Variants in ADK observed in about 807,000 individuals in gnomAD.
ADK encodes N6,N6-dimethyladenosine kinase.
A neutral mutation model predicts 44.7 loss-of-function variants in ADK; 24 were observed. The ratio of observed to expected loss-of-function variants is 0.54; its 90% CI spans 0.39 to 0.76. The LOEUF (loss-of-function observed/expected upper bound fraction) is 0.76, where lower values mean the gene tolerates loss of function less well. Among genes scored for constraint, ADK ranks in the 30% least tolerant of loss-of-function variants. The pLI, the probability that ADK is intolerant of heterozygous loss-of-function variation, is 0.00. For missense variants in ADK, 321 were observed against 425.1 expected (o/e 0.76, Z 2.15); for synonymous variants, 128 against 142.6 (o/e 0.90, Z 0.73).
At chr10:74,201,658 A>G (rs1031515862) in intron 2 of ADK, among the ~76,000 whole-genome samples, 1 of 109,388 alleles carries the variant, frequency 9.1e-6, no homozygotes, top group African/African-American at 4.0e-5. Flanking sequence ...GTATGTATGT[A>G]TGTATGTATG....
At chr10:74,155,078 T>C (rs1050947831) in intron 1 of ADK, among the ~76,000 whole-genome samples, 1 of 152,248 alleles carries the variant, frequency 6.6e-6, no homozygotes, top group Non-Finnish European at 1.5e-5. Context: ...AGTTCTCTAA[T>C]CAGCAAATGC....
intron 6 of ADK, among the ~76,000 whole-genome samples, chr10:74,522,566 C>T (rs951081537): frequency 6.6e-6 from 1 of 152,112 alleles, no homozygotes; most frequent in Non-Finnish European, 1.5e-5. Flanking sequence ...ACACATGGCT[C>T]CTGCCACTAA....
chr10:74,687,743 C>T (rs533436364), intron 10 of ADK, among the ~76,000 whole-genome samples: 63 of 152,162 alleles, frequency 4.1e-4, no homozygotes, highest in Non-Finnish European at 2.2e-4. Context: ...CTCTCCAAAC[C>T]GTCAGTGAGT....
At chr10:74,628,608 G>A (rs1311546277) in intron 9 of ADK, among the ~76,000 whole-genome samples, 3 of 151,860 alleles carry the variant, frequency 2.0e-5, no homozygotes, top group Non-Finnish European at 4.4e-5. Context: ...CCTTTTTGGA[G>A]CACTAATCTA....
chr10:74,303,662 A>G (rs962326063), intron 3 of ADK, among the ~76,000 whole-genome samples: 7 of 128,584 alleles, frequency 5.4e-5, no homozygotes, highest in Non-Finnish European at 1.1e-4. Context: ...ATAAATTTTC[A>G]AAGTCCTTGC....
chr10:74,407,969 T>C (rs1592166396), intron 6 of ADK, among the ~76,000 whole-genome samples: 1 of 152,184 alleles, frequency 6.6e-6, no homozygotes, highest in Non-Finnish European at 1.5e-5. Context: ...ACTCGCTTTT[T>C]TTTTCAAGAA....
intron 6 of ADK, among the ~76,000 whole-genome samples, chr10:74,441,935 G>A (rs1402524894): frequency 6.6e-6 from 1 of 152,050 alleles, no homozygotes; most frequent in African/African-American, 2.4e-5. Flanking sequence ...AAATGACCCA[G>A]GTATATGAAA....
At chr10:74,683,433 G>C (rs1855686406) in intron 10 of ADK, among the ~76,000 whole-genome samples, 1 of 152,134 alleles carries the variant, frequency 6.6e-6, no homozygotes, top group African/African-American at 2.4e-5. Flanking sequence ...ATTATATCCA[G>C]GGTGAACATT....
chr10:74,174,936 C>G (rs1421467930), intron 1 of ADK, among the ~76,000 whole-genome samples: 1 of 152,140 alleles, frequency 6.6e-6, no homozygotes, highest in African/African-American at 2.4e-5. Context: ...AGCAAGAAAA[C>G]AGATTTGTAT....
At chr10:74,532,688 G>T (rs1244316637) in intron 7 of ADK, among the ~76,000 whole-genome samples, 1 of 151,920 alleles carries the variant, frequency 6.6e-6, no homozygotes, top group Admixed American at 6.6e-5. Context: ...ATCATTTGAG[G>T]TCAAGAGTTC....
chr10:74,609,112 C>G (rs370722491), intron 9 of ADK, among the ~76,000 whole-genome samples: 1 of 152,144 alleles, frequency 6.6e-6, no homozygotes, highest in Non-Finnish European at 1.5e-5. Flanking sequence ...CATCCCAGGT[C>G]GACTTCAGAC....
chr10:74,356,206 G>A (rs1278508389), intron 4 of ADK, among the ~76,000 whole-genome samples: 1 of 149,868 alleles, frequency 6.7e-6, no homozygotes, highest in Non-Finnish European at 1.5e-5. Context: ...TTTTAGTAGA[G>A]ACGGGGTTTC....
At chr10:74,306,613 C>T (rs1310482645) in intron 3 of ADK, among the ~76,000 whole-genome samples, 1 of 152,176 alleles carries the variant, frequency 6.6e-6, no homozygotes, top group Non-Finnish European at 1.5e-5. Flanking sequence ...ATTGTATCTT[C>T]TACCAGAGTG....
chr10:74,694,285 T>A (rs1245083008), intron 10 of ADK, among the ~76,000 whole-genome samples: 1 of 150,708 alleles, frequency 6.6e-6, no homozygotes, highest in Non-Finnish European at 1.5e-5. Context: ...GTGTGGTAGC[T>A]CATGCCTGTA....
At chr10:74,289,300 G>T (rs1420776516) in intron 3 of ADK, among the ~76,000 whole-genome samples, 1 of 152,046 alleles carries the variant, frequency 6.6e-6, no homozygotes, top group Non-Finnish European at 1.5e-5. Context: ...TGATCAGCCC[G>T]CCTCTGAAAG....
intron 6 of ADK, among the ~76,000 whole-genome samples, chr10:74,510,794 A>C (rs1259526877): frequency 6.6e-6 from 1 of 152,130 alleles, no homozygotes; most frequent in Non-Finnish European, 1.5e-5. Context: ...TGCAGCCTTG[A>C]CCTCCTAGGC....
intron 9 of ADK, among the ~76,000 whole-genome samples, chr10:74,633,874 C>A (rs1452383184): frequency 6.6e-6 from 1 of 152,188 alleles, no homozygotes; most frequent in Admixed American, 6.5e-5. Context: ...AACACGCAGT[C>A]TTACTGGCTT....
At chr10:74,385,089 T>C (rs918458365) in intron 4 of ADK, among the ~76,000 whole-genome samples, 2 of 152,246 alleles carry the variant, frequency 1.3e-5, no homozygotes, top group South Asian at 4.1e-4. Context: ...TTTGAGATAA[T>C]GAAAATGTGA....
intron 6 of ADK, among the ~76,000 whole-genome samples, chr10:74,501,525 A>G (rs1011664006): frequency 3.9e-5 from 6 of 152,182 alleles, no homozygotes; most frequent in African/African-American, 2.4e-5. Context: ...ATCTTTTTTA[A>G]AAGTGCACCT....
Sources: gnomAD v4.1 joint callset for allele counts (sites outside exome capture counted in the v4.1 genomes callset) on GRCh38, gnomAD v4.1.1 for gene constraint, MANE v1.5 for transcripts, NCBI Gene and HGNC (gene_info 2026-07-23, HGNC 2026-07-21) for gene names.